Variants in BCAR3 observed in about 807,000 individuals in gnomAD.
BCAR3 encodes breast cancer anti-estrogen resistance protein 3.
In BCAR3, 37 loss-of-function variants were observed where a neutral mutation model predicts 80.1. The ratio of observed to expected loss-of-function variants is 0.46; its 90% CI spans 0.36 to 0.61. The LOEUF is 0.61. Ranked by LOEUF, BCAR3 falls within the 20% of genes least tolerant of loss-of-function variation. The pLI is 0.00. For missense variants in BCAR3, 978 were observed against 1,068.2 expected (o/e 0.92, Z 1.18); for synonymous variants, 389 against 418.9 (o/e 0.93, Z 0.87).
chr1:93,674,719 C>A lies in BCAR3; in HGVS notation c.212G>T (p.Gly71Val). 1 of 1,613,822 alleles carries A rather than the reference C, an allele frequency of 6.2e-7. No homozygotes were observed. Among genetic ancestry groups the A allele is most frequent in the Non-Finnish European group, 8.5e-7 (1 of 1,179,942 alleles). Residue 71 changes from glycine to valine, a missense_variant, in exon 2 of 12, where the codon GGC becomes GTC. Coordinates refer to ENST00000260502, the MANE Select transcript of BCAR3 (RefSeq NM_003567.4). ...TGGGGATTTGGAGTGGGGGAGGGTG[C>A]CCATGTGACTGAAGTCATCACAGGA... ...IRSCDDFSHMGTLPHSKSPRQ... is the reference protein window; with the variant it reads ...IRSCDDFSHMVTLPHSKSPRQ...
chr1:93,819,089 A>G (rs1400116578), intron 2 of BCAR3, among the ~76,000 whole-genome samples: 4 of 148,940 alleles, frequency 2.7e-5, no homozygotes, highest in Non-Finnish European at 5.9e-5. Flanking sequence ...TTTTTCTGAG[A>G]TGGAGTCTCA....
chr1:93,787,873 C>A (rs2747035), intron 2 of BCAR3, among the ~76,000 whole-genome samples: 1 of 152,226 alleles, frequency 6.6e-6, no homozygotes, highest in African/African-American at 2.4e-5. Flanking sequence ...TTTGTTGACG[C>A]TCTGTCTTAA....
chr1:93,807,416 T>A (rs1316718954), intron 2 of BCAR3, among the ~76,000 whole-genome samples: 4 of 152,144 alleles, frequency 2.6e-5, no homozygotes, highest in Non-Finnish European at 5.9e-5. Flanking sequence ...TGGAGAATGA[T>A]GGGTGTGGGA....
chr1:93,651,311 C>T (rs954103346), intron 2 of BCAR3, among the ~76,000 whole-genome samples: 2 of 152,186 alleles, frequency 1.3e-5, no homozygotes, highest in African/African-American at 2.4e-5. Flanking sequence ...CCAAAAACTA[C>T]ACCATCTGAA....
intron 2 of BCAR3, among the ~76,000 whole-genome samples, chr1:93,766,905 T>C (rs1222640019): frequency 1.3e-5 from 2 of 152,186 alleles, no homozygotes; most frequent in East Asian, 1.9e-4. Context: ...AAATTCATAG[T>C]ACAACAAAGG....
At chr1:93,747,796 G>C (rs1003821094) in intron 2 of BCAR3, among the ~76,000 whole-genome samples, 6 of 151,588 alleles carry the variant, frequency 4.0e-5, no homozygotes, top group Non-Finnish European at 8.8e-5. Context: ...TCCATCTCCT[G>C]CCACTTCCCC....
At chr1:93,718,870 ATT>A (rs879576578) in intron 2 of BCAR3, among the ~76,000 whole-genome samples, 16 of 129,922 alleles carry the variant, frequency 1.2e-4, no homozygotes, top group Non-Finnish European at 1.0e-4. Flanking sequence ...TAATTTTTGT[ATT>A]TTTTTTTTTT....
At chr1:93,632,793 G>A (rs1486775275) in intron 3 of BCAR3, among the ~76,000 whole-genome samples, 2 of 152,120 alleles carry the variant, frequency 1.3e-5, no homozygotes, top group African/African-American at 4.8e-5. Flanking sequence ...CCGAGGCAGT[G>A]GATCACCTGA....
chr1:93,603,970 T>G (rs1344118210), intron 3 of BCAR3, among the ~76,000 whole-genome samples: 1 of 152,222 alleles, frequency 6.6e-6, no homozygotes, highest in Non-Finnish European at 1.5e-5. Flanking sequence ...CTGAAACACT[T>G]CAATTAGTTT....
intron 9 of BCAR3, among the ~76,000 whole-genome samples, chr1:93,570,361 G>A (rs940615797): frequency 2.6e-5 from 4 of 152,158 alleles, no homozygotes; most frequent in Non-Finnish European, 5.9e-5. Flanking sequence ...AGCGGTTTTG[G>A]TGTTACTAGA....
At chr1:93,677,028 C>CT (rs1188238285) in intron 1 of BCAR3, among the ~76,000 whole-genome samples, 3 of 152,226 alleles carry the variant, frequency 2.0e-5, no homozygotes, top group Non-Finnish European at 4.4e-5. Context: ...AATACTTCCC[C>CT]TTCTTACCTT....
At chr1:93,672,466 T>C (rs560343034) in intron 2 of BCAR3, among the ~76,000 whole-genome samples, 10 of 152,252 alleles carry the variant, frequency 6.6e-5, no homozygotes, top group South Asian at 4.1e-4. Flanking sequence ...AGTTAATAAA[T>C]GAAAAGCGGT....
chr1:93,570,397 T>G (rs1299269256), intron 9 of BCAR3, among the ~76,000 whole-genome samples: 1 of 152,134 alleles, frequency 6.6e-6, no homozygotes, highest in East Asian at 1.9e-4. Flanking sequence ...GACTGTAAAC[T>G]CATACTCAAG....
intron 2 of BCAR3, among the ~76,000 whole-genome samples, chr1:93,777,402 T>C (rs1351254849): frequency 1.8e-4 from 21 of 119,126 alleles, no homozygotes; most frequent in African/African-American, 6.1e-4. Context: ...CTTCTTCCTC[T>C]TCCTCCTCCT....
intron 10 of BCAR3, 117 bp downstream of exon 10, chr1:93,567,623 G>A: frequency 2.9e-6 from 4 of 1,371,180 alleles, no homozygotes; most frequent in Non-Finnish European, 4.0e-6. Flanking sequence ...TCTGATAAAA[G>A]CCCTGATGAG....
intron 2 of BCAR3, among the ~76,000 whole-genome samples, chr1:93,711,251 G>C (rs1032375544): frequency 1.3e-5 from 2 of 152,224 alleles, no homozygotes; most frequent in African/African-American, 4.8e-5. Context: ...GGTGATCTCT[G>C]GGGCCATCGT....
chr1:93,695,310 C>G (rs777828487), intron 3 of BCAR3, among the ~76,000 whole-genome samples: 1 of 152,162 alleles, frequency 6.6e-6, no homozygotes, highest in South Asian at 2.1e-4. Flanking sequence ...CATCACAAAT[C>G]TAGGGTAAGC....
At chr1:93,743,156 G>C (rs920253101) in intron 2 of BCAR3, among the ~76,000 whole-genome samples, 1 of 152,188 alleles carries the variant, frequency 6.6e-6, no homozygotes, top group Non-Finnish European at 1.5e-5. Context: ...ATACAGTTGA[G>C]AGATTACTGG....
Position 93,592,631 on chromosome 1 carries a change from T to G in BCAR3, c.358-238A>C. On this transcript the variant is annotated intron_variant, in intron 3 of 11. Coordinates refer to ENST00000260502, the MANE Select transcript of BCAR3 (RefSeq NM_003567.4). The surrounding 1 kb of genome is among the most constrained non-coding windows in gnomAD (Gnocchi z 4.8). The stretch of plus-strand genomic sequence containing the variant: ...GTAGGAGAGTCCACCAAGAGGTTCC[T>G]TTTACCAGTCTACTCAAGCAGCTGG... 2.3e-6 allele frequency: 1 copy of G among 427,368 alleles called. No homozygotes were observed. The highest frequency in any genetic ancestry group is 2.9e-5 in the South Asian group (1 of 34,312). 26.5% of individuals were successfully genotyped at this position (427,368 alleles called of 1,614,324 possible).
Sources: allele counts gnomAD v4.1 joint callset (sites outside exome capture counted in the v4.1 genomes callset), GRCh38; gene constraint gnomAD v4.1.1; non-coding constraint Gnocchi (gnomAD v3.1); transcripts MANE v1.5; gene names NCBI Gene and HGNC (gene_info 2026-07-23, HGNC 2026-07-21).